Variants in TEX9 observed in about 807,000 individuals in gnomAD.
TEX9 encodes the protein testis-expressed protein 9.
In TEX9, 74 loss-of-function variants were observed where a neutral mutation model predicts 59.6. That is an observed-to-expected ratio of 1.24 (90% CI 1.03 to 1.51). TEX9 has a LOEUF of 1.51. TEX9 is among the 40% of genes most tolerant of loss of function. TEX9 has a pLI of 0.00. For missense variants in TEX9, 522 were observed against 447.8 expected (o/e 1.17, Z -1.49); for synonymous variants, 186 against 152.2 (o/e 1.22, Z -1.64).
the TEX9 span, among the ~76,000 whole-genome samples, chr15:56,451,210 A>C: frequency 6.6e-6 from 1 of 152,196 alleles, no homozygotes; most frequent in African/African-American, 2.4e-5. Flanking sequence ...TTAGTTTTTC[A>C]CGTAGTCCCA....
At chr15:56,450,597 T>A (rs1308600522), downstream of TEX9, among the ~76,000 whole-genome samples, 1 of 152,210 alleles carries the variant, frequency 6.6e-6, no homozygotes, top group Non-Finnish European at 1.5e-5. Flanking sequence ...ATTTTTTTTT[T>A]ATAACTGAAG....
intron 1 of TEX9, among the ~76,000 whole-genome samples, chr15:56,293,618 G>A (rs566518564): frequency 1.2e-4 from 18 of 152,296 alleles, no homozygotes; most frequent in Middle Eastern, 3.4e-3. Flanking sequence ...GGGGCTTTGG[G>A]CCGCAGGGTA....
chr15:56,253,104 T>C (rs2044066437), intron 1 of TEX9, among the ~76,000 whole-genome samples: 1 of 152,026 alleles, frequency 6.6e-6, no homozygotes, highest in Admixed American at 6.6e-5. Context: ...GCCACTACTT[T>C]ATAGTCTGAT....
intron 1 of TEX9, among the ~76,000 whole-genome samples, chr15:56,278,729 G>A (rs2044741561): frequency 6.6e-6 from 1 of 151,866 alleles, no homozygotes; most frequent in Admixed American, 6.6e-5. Context: ...ATCTCATGAG[G>A]AAAGTTTCTC....
At chr15:56,420,940 G>A (rs537029150) in intron 10 of TEX9, among the ~76,000 whole-genome samples, 6 of 151,822 alleles carry the variant, frequency 4.0e-5, no homozygotes, top group African/African-American at 1.5e-4. Context: ...CTAAATTTAT[G>A]GATACTTTTT....
At chr15:56,429,290 C>T (rs1373477356) in intron 12 of TEX9, 4 of 747,206 alleles carry the variant, frequency 5.4e-6, no homozygotes, top group Non-Finnish European at 8.7e-6. Flanking sequence ...AAGTTATCTC[C>T]AAGGTAATGA....
intron 1 of TEX9, among the ~76,000 whole-genome samples, chr15:56,320,746 A>T (rs1392663822): frequency 6.6e-6 from 1 of 152,146 alleles, no homozygotes; most frequent in African/African-American, 2.4e-5. Context: ...ACACTTTGAG[A>T]GTAAAAAATG....
intron 10 of TEX9, among the ~76,000 whole-genome samples, chr15:56,422,809 T>G (rs917575496): frequency 1.8e-4 from 27 of 152,150 alleles, no homozygotes; most frequent in African/African-American, 6.0e-4. Context: ...ACTCCCCATT[T>G]CCACCTCCCT....
chr15:56,435,371 A>G (rs1429130240), intron 12 of TEX9, among the ~76,000 whole-genome samples: 1 of 152,036 alleles, frequency 6.6e-6, no homozygotes, highest in Admixed American at 6.6e-5. Context: ...TTATTGGTGA[A>G]ACAAAAGGCT....
chr15:56,369,023 A>G (rs547718713), intron 2 of TEX9, among the ~76,000 whole-genome samples: 144 of 151,882 alleles, frequency 9.5e-4, no homozygotes, highest in Non-Finnish European at 1.4e-3. Context: ...TAGTCTTTAA[A>G]TTTCTCTCCA....
At chr15:56,371,654 T>G (rs1391807479) in intron 2 of TEX9, among the ~76,000 whole-genome samples, 6 of 152,218 alleles carry the variant, frequency 3.9e-5, no homozygotes, top group African/African-American at 1.4e-4. Flanking sequence ...GTCCTATATA[T>G]TCTAGATGAG....
At chr15:56,334,051 T>G (rs1033707411) in intron 1 of TEX9, among the ~76,000 whole-genome samples, 3 of 152,144 alleles carry the variant, frequency 2.0e-5, no homozygotes, top group Non-Finnish European at 4.4e-5. Context: ...TGTTTATAAA[T>G]TGAAAGAATC....
intron 1 of TEX9, among the ~76,000 whole-genome samples, chr15:56,289,113 G>A (rs961558115): frequency 7.2e-5 from 11 of 151,786 alleles, no homozygotes; most frequent in African/African-American, 2.7e-4. Flanking sequence ...TTCTCATTTT[G>A]GTCATTTATT....
intron 9 of TEX9, among the ~76,000 whole-genome samples, chr15:56,404,657 A>G (rs1218204611): frequency 6.6e-6 from 1 of 152,236 alleles, no homozygotes; most frequent in Non-Finnish European, 1.5e-5. Flanking sequence ...ATTATAAATC[A>G]TGCTACTATA....
chr15:56,311,675 G>T (rs2045620802), intron 1 of TEX9, among the ~76,000 whole-genome samples: 1 of 145,820 alleles, frequency 6.9e-6, no homozygotes, highest in Admixed American at 6.9e-5. Flanking sequence ...GGGATGGCTG[G>T]GTCAAATGGT....
rs374001037 is a variant in TEX9, at chr15:56,443,558, C to G, written c.*30-2113C>G. 54 of 1,573,404 alleles carry G rather than the reference C, an allele frequency of 3.4e-5. No homozygotes were observed. In the Middle Eastern group the frequency reaches 5.2e-4, roughly 15 times the overall value. On this transcript the variant is annotated intron_variant, in intron 12 of 12. Coordinates refer to ENST00000352903, the Ensembl canonical transcript of TEX9. ...GTCAACTATTAAATTTTTTAAAAAA[C>G]ATAAATATTTATAGGATCCAAATTC...
At chr15:56,295,077 T>C (rs1464657519) in intron 1 of TEX9, among the ~76,000 whole-genome samples, 1 of 152,136 alleles carries the variant, frequency 6.6e-6, no homozygotes, top group African/African-American at 2.4e-5. Context: ...AAACTATATA[T>C]TTTTAATTCT....
intron 2 of TEX9, 58 bp downstream of exon 2, chr15:56,365,728 A>G: frequency 6.2e-7 from 1 of 1,604,834 alleles, no homozygotes. Context: ...GAGGCTGCTT[A>G]CAAGTACTTT....
At chr15:56,324,353 G>A (rs1315990388) in intron 1 of TEX9, among the ~76,000 whole-genome samples, 1 of 152,050 alleles carries the variant, frequency 6.6e-6, no homozygotes, top group Non-Finnish European at 1.5e-5. Context: ...ATTTAGAATA[G>A]TTCATTTTGG....
Sources: allele counts gnomAD v4.1 joint callset (sites outside exome capture counted in the v4.1 genomes callset), GRCh38; gene constraint gnomAD v4.1.1; transcripts MANE v1.5; gene names NCBI Gene and HGNC (gene_info 2026-07-23, HGNC 2026-07-21).